ITSN1: variants seen among roughly 807,000 people sequenced by gnomAD.
The protein encoded by ITSN1 is intersectin-1.
Under a neutral mutation model 239.8 loss-of-function variants are expected in ITSN1, and 58 were observed. The observed-to-expected ratio is 0.24, with a 90% CI of 0.20 to 0.30. ITSN1 has a LOEUF of 0.30. Ranked by LOEUF, ITSN1 falls within the 10% of genes least tolerant of loss-of-function variation. The pLI, the probability that ITSN1 is intolerant of heterozygous loss-of-function variation, is 1.00. For synonymous variants in ITSN1, 780 were observed against 770.8 expected (o/e 1.01, Z -0.20); for missense variants, 1,558 against 2,103.3 (o/e 0.74, Z 5.07).
intron 38 of ITSN1, among the ~76,000 whole-genome samples, 192 bp from the exon 39 acceptor site, chr21:33,886,095 C>A (rs1372478110): frequency 2.0e-5 from 3 of 151,912 alleles, no homozygotes; most frequent in African/African-American, 7.2e-5. Context: ...GTAATACCAG[C>A]TATTCATTCA....
chr21:33,823,733 A>G (rs368379791), intron 25 of ITSN1, 80 bp downstream of exon 25: 1 of 1,387,788 alleles, frequency 7.2e-7, no homozygotes, highest in African/African-American at 1.4e-5. Context: ...TGACAGCGGA[A>G]CTTTGTTGGG....
At chr21:33,669,502 C>T (rs1389797942) in intron 1 of ITSN1, among the ~76,000 whole-genome samples, 4 of 149,894 alleles carry the variant, frequency 2.7e-5, no homozygotes, top group Non-Finnish European at 4.4e-5. Context: ...TGTCGTGGTG[C>T]GATCTCGGCT....
chr21:33,862,216 G>T (rs564713107), intron 31 of ITSN1, among the ~76,000 whole-genome samples: 57 of 150,436 alleles, frequency 3.8e-4, no homozygotes, highest in African/African-American at 1.3e-3. Context: ...CAGAAGTGAG[G>T]TGGGGTGACC....
At chr21:33,665,079 A>G (rs1284198558) in intron 1 of ITSN1, among the ~76,000 whole-genome samples, 2 of 152,184 alleles carry the variant, frequency 1.3e-5, no homozygotes, top group Non-Finnish European at 2.9e-5. Context: ...CCTGGCCAAC[A>G]TGGTGAAACC....
At chr21:33,699,717 TC>T (rs1308130340) in intron 1 of ITSN1, among the ~76,000 whole-genome samples, 2 of 152,148 alleles carry the variant, frequency 1.3e-5, no homozygotes, top group Non-Finnish European at 2.9e-5. Flanking sequence ...AGGTCCTATC[TC>T]AAAAAATTAT....
chr21:33,736,841 C>T (rs1251133381), intron 5 of ITSN1, among the ~76,000 whole-genome samples: 1 of 152,094 alleles, frequency 6.6e-6, no homozygotes, highest in Non-Finnish European at 1.5e-5. Flanking sequence ...AAAAATTAAC[C>T]AGGCATAGTG....
At chr21:33,721,859 C>T (rs1349518469) in intron 3 of ITSN1, 1 of 151,562 alleles carries the variant, frequency 6.6e-6, no homozygotes, top group Non-Finnish European at 1.5e-5. Flanking sequence ...AAAGTGGAAT[C>T]TTTATTTCCA....
At position 33,899,079 on chromosome 21, in the gene ITSN1, C is replaced by T. The variant is rs2148600191; in HGVS notation, c.*10779C>T. 1 of 152,380 alleles carries T rather than the reference C, an allele frequency of 6.6e-6. No homozygotes were observed. The highest frequency in any genetic ancestry group is 1.9e-4 in the East Asian group (1 of 5,184). The allele number at this position is 152,380 out of a possible 1,614,324, so 9.4% of individuals were successfully genotyped here. On this transcript the variant is annotated 3_prime_UTR_variant, in exon 40 of 40. Coordinates refer to ENST00000381318, the MANE Select transcript of ITSN1 (RefSeq NM_003024.3). Reference sequence around the variant, plus strand: ...CCCCAAACAGGCCCTGACTCTCCTTCCTTAGAACGATGCCCTCTGGCTGGG... The same window carrying T: ...CCCCAAACAGGCCCTGACTCTCCTTTCTTAGAACGATGCCCTCTGGCTGGG...
In ITSN1 at chr21:33,797,479, G is replaced by C. The variant is rs769546913; in HGVS notation, c.2053G>C (p.Glu685Gln). 1.9e-6 allele frequency: 3 copies of C among 1,614,144 alleles called. 1 individual carries two copies. The highest frequency in any genetic ancestry group is 2.5e-6 in the Non-Finnish European group (3 of 1,180,030). The change falls in exon 18 of 40, where the codon GAG (glutamate) becomes CAG (glutamine). Residue 685 changes from glutamate (E) to glutamine (Q), a missense_variant. Coordinates refer to ENST00000381318, the MANE Select transcript of ITSN1 (RefSeq NM_003024.3). The surrounding 1 kb of genome is among the most constrained non-coding windows in gnomAD (Gnocchi z 4.9). ...CCACGAAGAGGAAAAACTGAAAAGG[G>C]AGGAGAGTGTCAAAAAGAAGGATGG... ...KLHEEEKLKREESVKKKDGEE... is the reference protein window; with the variant it reads ...KLHEEEKLKRQESVKKKDGEE...
At chr21:33,859,951 T>C (rs745776988) in intron 31 of ITSN1, among the ~76,000 whole-genome samples, 12 of 152,190 alleles carry the variant, frequency 7.9e-5, no homozygotes, top group Non-Finnish European at 1.5e-4. Context: ...ACATCCGCTA[T>C]TGCCTCTGGC....
In ITSN1 at chr21:33,797,310, TGAAAA is replaced by T; in HGVS notation, c.1953-66_1953-62del. 7.3e-7 allele frequency: 1 copy of T among 1,370,280 alleles called. No homozygotes were observed. The allele number at this position is 1,370,280 out of a possible 1,614,324, so 84.9% of individuals were successfully genotyped here. A position where few individuals can be genotyped will look rare whatever the true frequency, so the allele number is the denominator to read the frequency against. On this transcript the variant is annotated intron_variant, in intron 17 of 39. Coordinates refer to ENST00000381318, the MANE Select transcript of ITSN1 (RefSeq NM_003024.3). This position sits in a 1 kb window ranked among gnomAD's most constrained non-coding sequence, Gnocchi z 4.9. ...CATTTACTGGATGGAGCTTTTTTTGTGAAAAGAGGCAACAGTAGTGTTAACTTAGA... is the reference window on the plus strand; with the variant it reads ...CATTTACTGGATGGAGCTTTTTTTGTGAGGCAACAGTAGTGTTAACTTAGA...
At chr21:33,792,680 A>G (rs550481306) in intron 16 of ITSN1, among the ~76,000 whole-genome samples, 32 of 152,258 alleles carry the variant, frequency 2.1e-4, no homozygotes, top group African/African-American at 7.2e-4. Context: ...TCAGCACTTT[A>G]AACAGTCAGT....
chr21:33,741,517 T>TA (rs11368839), intron 5 of ITSN1, among the ~76,000 whole-genome samples: 5,880 of 152,156 alleles, frequency 0.039, 391 homozygotes, highest in African/African-American at 0.14. Context: ...TGACTATAAT[T>TA]ATAAACTTAC....
At chr21:33,659,479 A>G (rs989818036) in intron 1 of ITSN1, among the ~76,000 whole-genome samples, 1 of 152,142 alleles carries the variant, frequency 6.6e-6, no homozygotes, top group Non-Finnish European at 1.5e-5. Flanking sequence ...CAAGCCCTTG[A>G]TTTGGGGAGT....
intron 29 of ITSN1, among the ~76,000 whole-genome samples, chr21:33,856,414 A>G (rs1979352554): frequency 6.6e-6 from 1 of 152,170 alleles, no homozygotes; most frequent in Admixed American, 6.5e-5. Context: ...CTTGGTTTGG[A>G]AACACATCAC....
At chr21:33,810,930 CA>C (rs2072864772) in intron 20 of ITSN1, 44 bp from the exon 21 acceptor site, 2 of 1,613,146 alleles carry the variant, frequency 1.2e-6, no homozygotes, top group African/African-American at 2.7e-5. Context: ...TGGGTCTATT[CA>C]GGGGTTAATT....
At chr21:33,726,291 G>A (rs2065829062) in intron 4 of ITSN1, among the ~76,000 whole-genome samples, 1 of 152,046 alleles carries the variant, frequency 6.6e-6, no homozygotes, top group Non-Finnish European at 1.5e-5. Flanking sequence ...ACTGCAGCCG[G>A]CCAAGCCTAG....
chr21:33,877,688 A>G (rs1984165566), intron 34 of ITSN1, among the ~76,000 whole-genome samples: 1 of 152,140 alleles, frequency 6.6e-6, no homozygotes, highest in East Asian at 1.9e-4. Flanking sequence ...CTATGTAGTG[A>G]GTAAAATGCA....
At position 33,818,483 on chromosome 21, in the gene ITSN1, A is replaced by G; in HGVS notation, c.2933+11A>G. The G allele has an allele frequency of 6.3e-7, 1 of 1,599,580 alleles. No individual in the cohort carries two copies. The highest frequency in any genetic ancestry group is 2.2e-5 in the East Asian group (1 of 44,816). ...AAGGAAGTCTACAAGGTATTTTTGT[A>G]TTTATCTGCTTGTATTTGATGAAAA... On this transcript the variant is annotated intron_variant, in intron 23 of 39. Coordinates refer to ENST00000381318, the MANE Select transcript of ITSN1 (RefSeq NM_003024.3).
Sources: allele counts gnomAD v4.1 joint callset (sites outside exome capture counted in the v4.1 genomes callset), GRCh38; gene constraint gnomAD v4.1.1; non-coding constraint Gnocchi (gnomAD v3.1); transcripts MANE v1.5; gene names NCBI Gene and HGNC (gene_info 2026-07-23, HGNC 2026-07-21).